Variants in FANCB observed in about 807,000 individuals in gnomAD.
FANCB encodes FA complementation group B, also known as Fanconi anemia group B protein.
Under a neutral mutation model 38.9 loss-of-function variants are expected in FANCB, and 5 were observed. The observed-to-expected ratio is 0.13, with a 90% CI of 0.07 to 0.27. FANCB has a LOEUF of 0.27. FANCB is among the 10% of genes least tolerant of loss of function. The pLI, the probability that FANCB is intolerant of heterozygous loss-of-function variation, is 1.00. For synonymous variants in FANCB, 236 were observed against 215.4 expected (o/e 1.10, Z -0.84); for missense variants, 573 against 602.7 (o/e 0.95, Z 0.52).
At chrX:14,696,150 A>G in the FANCB span, among the ~76,000 whole-genome samples, 2 of 105,527 alleles carry the variant, frequency 1.9e-5, no homozygotes, top group Non-Finnish European at 3.9e-5. Flanking sequence ...AGGAAGGAAG[A>G]AAGAAACCAA....
At chrX:14,723,728 C>G in the FANCB span, among the ~76,000 whole-genome samples, 2 of 111,601 alleles carry the variant, frequency 1.8e-5, no homozygotes, top group Non-Finnish European at 3.8e-5. Context: ...CCAAACCCTG[C>G]CTTCACCTCT....
At chrX:14,704,833 C>T in the FANCB span, among the ~76,000 whole-genome samples, 3 of 111,699 alleles carry the variant, frequency 2.7e-5, no homozygotes, top group African/African-American at 9.8e-5. Flanking sequence ...AAAAAAACTG[C>T]TTGAAACCTG....
the FANCB span, chrX:14,690,826 G>A: frequency 1.7e-6 from 2 of 1,208,323 alleles, no homozygotes; most frequent in Admixed American, 4.3e-5. Context: ...AGGAGTTCCT[G>A]CGCCTCCGAA....
At chrX:14,749,440 T>C in the FANCB span, among the ~76,000 whole-genome samples, 7 of 111,026 alleles carry the variant, frequency 6.3e-5, no homozygotes, top group Non-Finnish European at 3.8e-5. Flanking sequence ...GATCCTCCCT[T>C]ATATGACCAT....
the FANCB span, among the ~76,000 whole-genome samples, chrX:14,708,884 C>T: frequency 9.1e-6 from 1 of 109,915 alleles, no homozygotes; most frequent in Non-Finnish European, 1.9e-5. Flanking sequence ...TGCGGTGAGC[C>T]GAGATCGCGC....
chrX:14,867,480 G>A (rs1377750230), intron 2 of FANCB, among the ~76,000 whole-genome samples: 1 of 111,069 alleles, frequency 9.0e-6, no homozygotes, highest in Admixed American at 9.6e-5. Flanking sequence ...CCACACATTG[G>A]GGAAAGGACA....
chrX:14,829,908 C>T, the FANCB span, among the ~76,000 whole-genome samples: 12 of 112,394 alleles, frequency 1.1e-4, no homozygotes, highest in South Asian at 2.2e-3. Context: ...CATGGGTTGG[C>T]TAACTGTTGC....
Position 14,853,115 on chromosome X carries a change from T to G in FANCB, c.1250A>C (p.Lys417Thr), listed in dbSNP as rs752391089. 5.0e-6 allele frequency: 6 copies of G among 1,205,170 alleles called. No homozygotes were observed. Among genetic ancestry groups the G allele is most frequent in the Non-Finnish European group, 6.7e-6 (6 of 890,355 alleles). The change falls in exon 6 of 10, where the codon AAA becomes ACA. Residue 417 changes from lysine to threonine, a missense_variant. Coordinates refer to ENST00000650831, the MANE Select transcript of FANCB (RefSeq NM_001018113.3). ...ELRQHLLLKE[K>T]IISKSYKALI... ...AGCTTTGTAAGATTTTGAAATAATT[T>G]TTTCCTTAAGCAACAGATGCTGCCG...
the FANCB span, among the ~76,000 whole-genome samples, chrX:14,776,559 A>T: frequency 8.9e-6 from 1 of 112,261 alleles, no homozygotes; most frequent in Non-Finnish European, 1.9e-5. Context: ...CTGGGCTGAG[A>T]AAAGGGGACT....
chrX:14,747,107 C>A, the FANCB span, among the ~76,000 whole-genome samples: 1 of 112,030 alleles, frequency 8.9e-6, no homozygotes, highest in Non-Finnish European at 1.9e-5. Context: ...TGCCCCACTC[C>A]TCTTTCCTTT....
chrX:14,860,467 T>A (rs1254514657), intron 3 of FANCB, among the ~76,000 whole-genome samples: 1 of 112,124 alleles, frequency 8.9e-6, no homozygotes, highest in East Asian at 2.8e-4. Context: ...GAACTATGTA[T>A]GTATGCATGT....
chrX:14,774,894 A>G, the FANCB span, among the ~76,000 whole-genome samples: 2 of 111,003 alleles, frequency 1.8e-5, no homozygotes, highest in Non-Finnish European at 3.8e-5. Context: ...GTGCAGTGGC[A>G]CAATCTCGGC....
chrX:14,796,727 G>C, the FANCB span, among the ~76,000 whole-genome samples: 1 of 98,071 alleles, frequency 1.0e-5, no homozygotes, highest in Non-Finnish European at 2.0e-5. Context: ...CATATACACA[G>C]AGAGAGAGAG....
chrX:14,826,119 A>C, the FANCB span, among the ~76,000 whole-genome samples: 1 of 112,335 alleles, frequency 8.9e-6, no homozygotes, highest in East Asian at 2.8e-4. Flanking sequence ...AAGAAATTTC[A>C]ATCTGCCTTT....
the FANCB span, among the ~76,000 whole-genome samples, chrX:14,717,739 G>C: frequency 1.3e-5 from 1 of 75,282 alleles, no homozygotes; most frequent in Non-Finnish European, 2.7e-5. Context: ...CTTCTGTAAA[G>C]TAAAAAAAAA....
the FANCB span, among the ~76,000 whole-genome samples, chrX:14,828,679 T>C: frequency 9.0e-6 from 1 of 111,687 alleles, no homozygotes; most frequent in Admixed American, 9.5e-5. Flanking sequence ...CCATGAGGGC[T>C]GGAGTCAACT....
downstream of FANCB, among the ~76,000 whole-genome samples, chrX:14,834,094 C>G (rs2092334774): frequency 8.9e-6 from 1 of 111,928 alleles, no homozygotes; most frequent in African/African-American, 3.2e-5. Context: ...GGATCAAGAT[C>G]TTTCTTTGAG....
chrX:14,733,062 G>A, the FANCB span, among the ~76,000 whole-genome samples: 2 of 112,133 alleles, frequency 1.8e-5, no homozygotes, highest in African/African-American at 6.5e-5. Context: ...AAGGTGTAAA[G>A]AAGGGGTCCA....
chrX:14,724,126 T>G, the FANCB span, among the ~76,000 whole-genome samples: 1 of 111,645 alleles, frequency 9.0e-6, no homozygotes, highest in African/African-American at 3.3e-5. Flanking sequence ...TATCTGTGTG[T>G]GTCTTGTGTG....
Sources: gnomAD v4.1 joint callset for allele counts (sites outside exome capture counted in the v4.1 genomes callset) on GRCh38, gnomAD v4.1.1 for gene constraint, MANE v1.5 for transcripts, NCBI Gene and HGNC (gene_info 2026-07-23, HGNC 2026-07-21) for gene names.